Variants in DCDC2C observed in about 807,000 individuals in gnomAD.
The protein encoded by DCDC2C is doublecortin domain containing 2C.
In DCDC2C, 44 loss-of-function variants were observed where a neutral mutation model predicts 45.0. That is an observed-to-expected ratio of 0.98 (90% confidence interval 0.77 to 1.26). The LOEUF (loss-of-function observed/expected upper bound fraction) is 1.26, where lower values mean the gene tolerates loss of function less well. Ranked by LOEUF, DCDC2C falls within the 50% of genes most tolerant of loss-of-function variation. The probability of loss-of-function intolerance (pLI) is 0.00; values close to 1 mark genes in which losing one functional copy is unlikely to be tolerated. For missense variants in DCDC2C, 447 were observed against 468.9 expected, an observed-to-expected ratio of 0.95 and a Z score of 0.43; for synonymous variants, 187 against 178.8, an observed-to-expected ratio of 1.05 and a Z score of -0.37.
At chr2:3,841,696 A>C (rs1301436111) in intron 10 of DCDC2C, among the ~76,000 whole-genome samples, 1 of 152,222 alleles carries the variant, frequency 6.6e-6, no homozygotes, top group Admixed American at 6.5e-5. Context: ...GCCCAGGTGC[A>C]GGAGGGCGCT....
At chr2:3,782,974 G>A (rs1295369686) in intron 9 of DCDC2C, among the ~76,000 whole-genome samples, 5 of 152,172 alleles carry the variant, frequency 3.3e-5, no homozygotes, top group East Asian at 3.8e-4. Context: ...CACAGGCCAC[G>A]TGCTCAGGGC....
At chr2:3,725,058 A>G (rs936816535) in intron 2 of DCDC2C, among the ~76,000 whole-genome samples, 11 of 152,046 alleles carry the variant, frequency 7.2e-5, no homozygotes, top group Non-Finnish European at 8.8e-5. Context: ...AGGAGGCCCT[A>G]TTGACAGGTT....
intron 3 of DCDC2C, among the ~76,000 whole-genome samples, chr2:3,738,031 T>A (rs1669081273): frequency 1.3e-5 from 2 of 152,300 alleles, no homozygotes; most frequent in African/African-American, 4.8e-5. Flanking sequence ...TATATATTTT[T>A]AAGAGATATA....
chr2:3,715,237 A>G (rs1325113811), intron 2 of DCDC2C, among the ~76,000 whole-genome samples: 1 of 152,146 alleles, frequency 6.6e-6, no homozygotes, highest in Non-Finnish European at 1.5e-5. Context: ...GCATTAAGAG[A>G]TGTATAACAT....
intron 8 of DCDC2C, among the ~76,000 whole-genome samples, chr2:3,771,880 G>A (rs890226543): frequency 4.1e-4 from 63 of 152,230 alleles, no homozygotes; most frequent in African/African-American, 1.4e-3. Context: ...GCGTATATCC[G>A]TGTCGTGAGA....
chr2:3,752,535 T>TA lies in DCDC2C; in HGVS notation c.546-223dup, dbSNP rs1247324437. 4 of 617,902 alleles carry TA rather than the reference T, an allele frequency of 6.5e-6. No homozygotes were observed. In the East Asian group the frequency reaches 1.4e-4, roughly 22 times the overall value. 38.3% of individuals were successfully genotyped at this position (617,902 alleles called of 1,614,324 possible). On this transcript the variant is annotated intron_variant, in intron 4 of 10. Coordinates refer to ENST00000399143, the MANE Select transcript of DCDC2C (RefSeq NM_001287444.2). ...GAGCCTATGAGCACTTGTATATAAT[T>TA]AAAAATACACTTTAATTAAAAAATC...
At chr2:3,816,021 G>A (rs190366337) in intron 10 of DCDC2C, among the ~76,000 whole-genome samples, 3 of 145,344 alleles carry the variant, frequency 2.1e-5, no homozygotes, top group Admixed American at 6.8e-5. Context: ...GGTATGGAGA[G>A]ATAACGGGTG....
At chr2:3,829,663 C>A (rs548601666) in intron 10 of DCDC2C, among the ~76,000 whole-genome samples, 3 of 152,132 alleles carry the variant, frequency 2.0e-5, no homozygotes, top group African/African-American at 7.2e-5. Context: ...TTCTTAATAT[C>A]TTTGGGTAAA....
In DCDC2C at chr2:3,703,929, G is replaced by A. The variant is rs1485949473; in HGVS notation, c.178G>A (p.Val60Met). The A allele has an allele frequency of 3.8e-6, 5 of 1,333,108 alleles. No individual in the cohort carries two copies. Among genetic ancestry groups the A allele is most frequent in the South Asian group, 1.9e-5 (1 of 52,256 alleles). 82.6% of individuals were successfully genotyped at this position (1,333,108 alleles called of 1,614,324 possible). A position where few individuals can be genotyped will look rare whatever the true frequency, so the allele number is the denominator to read the frequency against. The change falls in exon 1 of 11, where the codon GTG (valine) becomes ATG (methionine). Residue 60 changes from valine to methionine, a missense_variant. Transcript: ENST00000399143. This position sits in a 1 kb window ranked among gnomAD's most constrained non-coding sequence, Gnocchi z 4.4. The part of the protein sequence containing the change: ...LTEQVDVPFG[V>M]RRLFTPTRGH... The stretch of plus-strand genomic sequence containing the variant: ...GGAGCAGGTGGACGTCCCGTTCGGC[G>A]TGCGCCGCCTCTTCACGCCCACGCG...
intron 6 of DCDC2C, among the ~76,000 whole-genome samples, chr2:3,757,313 A>T (rs1669748127): frequency 6.6e-6 from 1 of 152,220 alleles, no homozygotes; most frequent in South Asian, 2.1e-4. Flanking sequence ...AAAAAAAAAT[A>T]CAGGCGTGCT....
intron 3 of DCDC2C, among the ~76,000 whole-genome samples, chr2:3,731,992 G>A (rs1044461608): frequency 4.6e-5 from 7 of 152,114 alleles, no homozygotes; most frequent in African/African-American, 1.4e-4. Context: ...ACGGTAGGGG[G>A]CGGTGAGTGC....
intron 10 of DCDC2C, among the ~76,000 whole-genome samples, chr2:3,830,994 G>A (rs1671935680): frequency 6.6e-6 from 1 of 152,054 alleles, no homozygotes; most frequent in Admixed American, 6.6e-5. Context: ...CTGATAAAAT[G>A]ATCTTTTGAG....
chr2:3,705,892 C>T (rs1668053318), intron 1 of DCDC2C, among the ~76,000 whole-genome samples: 2 of 152,148 alleles, frequency 1.3e-5, no homozygotes, highest in African/African-American at 2.4e-5. Context: ...AGTTGGGGTC[C>T]GTGTGGCAGA....
At chr2:3,785,470 CA>C (rs1257504445) in intron 10 of DCDC2C, among the ~76,000 whole-genome samples, 1 of 151,708 alleles carries the variant, frequency 6.6e-6, no homozygotes, top group African/African-American at 2.4e-5. Flanking sequence ...TTAGGTTTTC[CA>C]GGCAGTCATA....
At chr2:3,744,809 C>T (rs1451632446) in intron 4 of DCDC2C, among the ~76,000 whole-genome samples, 2 of 152,156 alleles carry the variant, frequency 1.3e-5, no homozygotes, top group Non-Finnish European at 2.9e-5. Flanking sequence ...GCAGTGGCGA[C>T]GAGCAGGTGG....
intron 9 of DCDC2C, among the ~76,000 whole-genome samples, chr2:3,779,856 G>GA (rs1428605460): frequency 1.3e-5 from 2 of 152,158 alleles, no homozygotes; most frequent in Admixed American, 1.3e-4. Flanking sequence ...TAGGGAGCTT[G>GA]TGCCAGGGTG....
intron 10 of DCDC2C, among the ~76,000 whole-genome samples, chr2:3,817,475 C>A (rs915536318): frequency 1.3e-5 from 2 of 152,046 alleles, no homozygotes; most frequent in Admixed American, 6.5e-5. Flanking sequence ...TGGAGTGGGG[C>A]AGAAAATATA....
chr2:3,704,072 C>T (rs1667958638), intron 1 of DCDC2C, 34 bp downstream of exon 1: 2 of 1,239,548 alleles, frequency 1.6e-6, no homozygotes, highest in African/African-American at 3.1e-5. Flanking sequence ...GCGCCCTGCG[C>T]CCCTCCCCGC....
intron 10 of DCDC2C, among the ~76,000 whole-genome samples, chr2:3,820,943 G>C (rs12329356): frequency 0.61 from 92,495 of 151,924 alleles, 28,969 homozygotes; most frequent in African/African-American, 0.75. Context: ...TGGGTTTTGG[G>C]ACCAAATGTC....
Sources: allele counts gnomAD v4.1 joint callset (sites outside exome capture counted in the v4.1 genomes callset), GRCh38; gene constraint gnomAD v4.1.1; non-coding constraint Gnocchi (gnomAD v3.1); transcripts MANE v1.5; gene names NCBI Gene and HGNC (gene_info 2026-07-23, HGNC 2026-07-21).